The following GALNTL5 variants were observed in gnomAD, a reference collection of about 807,000 sequenced individuals.
The protein encoded by GALNTL5 is inactive polypeptide N-acetylgalactosaminyltransferase-like protein 5.
GALNTL5 carries 44 observed loss-of-function variants against 51.0 expected under a neutral mutation model. The ratio of observed to expected loss-of-function variants is 0.86; its 90% CI spans 0.68 to 1.11. The LOEUF (loss-of-function observed/expected upper bound fraction) is 1.11, where lower values mean the gene tolerates loss of function less well. GALNTL5 is among the 50% of genes least tolerant of loss of function. GALNTL5 has a pLI of 0.00. For synonymous variants in GALNTL5, 192 were observed against 182.8 expected (o/e 1.05, Z -0.41); for missense variants, 528 against 531.8 (o/e 0.99, Z 0.07).
intron 1 of GALNTL5, among the ~76,000 whole-genome samples, chr7:151,957,382 T>TAAA (rs33975032): frequency 7.5e-6 from 1 of 133,358 alleles, no homozygotes; most frequent in Middle Eastern, 3.4e-3. Flanking sequence ...CATCTCTATT[T>TAAA]AAAAAAAAAA....
rs1252235987 is a variant in GALNTL5, at chr7:151,987,619, GT to G, written c.658+339del. Among the ~76,000 whole-genome samples the G allele has an allele frequency of 4.4e-4, 66 of 149,790 alleles. 1 individual carries two copies. The highest frequency in any genetic ancestry group is 2.2e-3 in the South Asian group (10 of 4,584). On this transcript the variant is annotated intron_variant, in intron 5 of 8. Transcript: ENST00000392800. ...AAGAGTGAGGAGAGCAAGACTGGGG[GT>G]GGGGTGGGCGGGAGGGAGCTGCAGC...
chr7:152,007,195 G>A (rs1241081549), intron 6 of GALNTL5, among the ~76,000 whole-genome samples: 1 of 152,060 alleles, frequency 6.6e-6, no homozygotes, highest in Non-Finnish European at 1.5e-5. Flanking sequence ...CTTTAGAAAG[G>A]GAGAGCTCTG....
intron 5 of GALNTL5, among the ~76,000 whole-genome samples, chr7:152,000,919 T>G (rs2081569103): frequency 6.7e-6 from 1 of 149,774 alleles, no homozygotes; most frequent in Non-Finnish European, 1.5e-5. Context: ...TTCTTTTTTT[T>G]TTTTTTGACA....
intron 5 of GALNTL5, among the ~76,000 whole-genome samples, chr7:151,991,021 G>C (rs1426367541): frequency 6.6e-6 from 1 of 152,046 alleles, no homozygotes; most frequent in Admixed American, 6.6e-5. Flanking sequence ...TATGATTTTT[G>C]GGTTTTGTCT....
rs183799433 is a variant in GALNTL5, at chr7:151,978,934, C to G, written c.369-4052C>G. On this transcript the variant is annotated intron_variant, in intron 3 of 8. Transcript: ENST00000392800. ...TCCAAATAGGATCACATTCTGAGGTCCTGGGGACTAGAACTTCACTATATG... is the reference window on the plus strand; with the variant it reads ...TCCAAATAGGATCACATTCTGAGGTGCTGGGGACTAGAACTTCACTATATG... 2.0e-4 allele frequency among the ~76,000 whole-genome samples: 30 copies of G among 152,122 alleles called. No individual in the cohort carries two copies. The East Asian group carries it at 4.8e-3, about 25-fold the overall frequency.
chr7:151,986,286 T>C (rs2081358389), intron 4 of GALNTL5, among the ~76,000 whole-genome samples: 1 of 152,216 alleles, frequency 6.6e-6, no homozygotes, highest in Admixed American at 6.5e-5. Context: ...GGTTTTTCTA[T>C]TAAAATGTTA....
rs2081071025 is a variant in GALNTL5, at chr7:151,967,198, T to G, written c.-39-10T>G. 1.3e-6 allele frequency: 2 copies of G among 1,534,228 alleles called. No individual in the cohort carries two copies. Among genetic ancestry groups the G allele is most frequent in the Non-Finnish European group, 1.8e-6 (2 of 1,121,880 alleles). ...TCTAATGCTGCTCCTCTTAAATCAT[T>G]CTGATTTAGGAAATTGAAAAATGGA... On this transcript the variant is annotated splice_polypyrimidine_tract_variant and intron_variant, in intron 1 of 8. Transcript: ENST00000392800.
intron 1 of GALNTL5, among the ~76,000 whole-genome samples, chr7:151,966,924 A>G (rs549988376): frequency 6.6e-5 from 10 of 152,326 alleles, no homozygotes; most frequent in Non-Finnish European, 1.0e-4. Context: ...GGGATGAGTA[A>G]GCCTTCTTTG....
rs544221047 is a variant in GALNTL5, at chr7:151,991,023, GT to G, written c.658+3746del. Among the ~76,000 whole-genome samples the G allele has an allele frequency of 8.5e-5, 13 of 152,080 alleles. No individual in the cohort carries two copies. The East Asian group carries it at 2.5e-3, about 29-fold the overall frequency. On this transcript the variant is annotated intron_variant, in intron 5 of 8. Coordinates refer to ENST00000392800, the MANE Select transcript of GALNTL5 (RefSeq NM_145292.4). ...AATATTTTTCCTTTATGATTTTTGG[GT>G]TTTGTCTCCTGTTCAAAAAAATTCT...
Position 151,967,351 on chromosome 7 carries a change from G to A in GALNTL5, c.105G>A (p.Trp35Ter), listed in dbSNP as rs555461133. The change falls in exon 2 of 9, where the codon TGG becomes TGA. Residue 35 changes from tryptophan to a stop codon, truncating the protein, a stop_gained. Transcript: ENST00000392800. LOFTEE classifies it high-confidence loss of function. The stretch of plus-strand genomic sequence containing the variant: ...TGCACCATAATCATGTGAGCAGCTG[G>A]CAGAAGAAAAGCCAGGAGCCTCTGT... ...IYLHHNHVSS[W>*]QKKSQEPLSA... 3 of 1,614,124 alleles carry A rather than the reference G, an allele frequency of 1.9e-6. No homozygotes were observed. Among genetic ancestry groups the A allele is most frequent in the South Asian group, 2.2e-5 (2 of 91,082 alleles).
chr7:152,014,848 T>G (rs1317727116), intron 8 of GALNTL5, 55 bp downstream of exon 8: 2 of 1,499,482 alleles, frequency 1.3e-6, no homozygotes, highest in Non-Finnish European at 1.8e-6. Context: ...GCAGGACTTG[T>G]TCTGAGGAAG....
chr7:151,970,832 G>T, intron 2 of GALNTL5, 113 bp from the exon 3 acceptor site: 1 of 860,876 alleles, frequency 1.2e-6, no homozygotes, highest in Non-Finnish European at 1.8e-6. Flanking sequence ...ATCGATTTCC[G>T]AATTCTATTC....
chr7:151,969,922 T>C (rs1264221718), intron 2 of GALNTL5, among the ~76,000 whole-genome samples: 1 of 151,802 alleles, frequency 6.6e-6, no homozygotes, highest in African/African-American at 2.4e-5. Context: ...TTCTCCTGCC[T>C]CAGCCTCCCG....
intron 5 of GALNTL5, among the ~76,000 whole-genome samples, chr7:151,993,260 T>C (rs574150526): frequency 1.3e-5 from 2 of 151,010 alleles, no homozygotes; most frequent in Non-Finnish European, 3.0e-5. Context: ...GGAAGATGCG[T>C]TTATGATTTT....
At position 152,007,888 on chromosome 7, in the gene GALNTL5, C is replaced by G; in HGVS notation, c.970C>G (p.Gln324Glu). The G allele has an allele frequency of 6.2e-7, 1 of 1,612,774 alleles. No homozygotes were observed. Among genetic ancestry groups the G allele is most frequent in the East Asian group, 2.2e-5 (1 of 44,820 alleles). The change falls in exon 7 of 9, where the codon CAG (glutamine) becomes GAG (glutamate). Residue 324 changes from glutamine (Q) to glutamate (E), a missense_variant. Transcript: ENST00000392800. ...IRRHYFNEIG[Q>E]YDKDMDFWGR... ...TCGGCATTATTTTAATGAAATTGGA[C>G]AGTATGACAAGGATATGGATTTTTG...
chr7:151,980,784 C>T lies in GALNTL5; in HGVS notation c.369-2202C>T, dbSNP rs563412354. On this transcript the variant is annotated intron_variant, in intron 3 of 8. Transcript: ENST00000392800. ...TTTTTGAGATGGAGTCTCGCTCTGT[C>T]GCCCAGGCTGGAGTGCAGTGGCGGG... Among the ~76,000 whole-genome samples, 10 of 111,474 alleles carry T rather than the reference C, an allele frequency of 9.0e-5. 1 individual carries two copies. The highest frequency in any genetic ancestry group is 8.1e-4 in the East Asian group (3 of 3,716). 73.1% of individuals were successfully genotyped at this position (111,474 alleles called of 152,430 possible). A position where few individuals can be genotyped will look rare whatever the true frequency, so the allele number is the denominator to read the frequency against.
At chr7:152,006,048 TGA>T (rs201224622) in intron 6 of GALNTL5, among the ~76,000 whole-genome samples, 5,601 of 151,960 alleles carry the variant, frequency 0.037, 141 homozygotes, top group Middle Eastern at 0.079. Flanking sequence ...CATTGACAGT[TGA>T]GAGGAGGAGA....
At chr7:151,987,085 T>C in intron 4 of GALNTL5, 74 bp from the exon 5 acceptor site, 2 of 1,289,798 alleles carry the variant, frequency 1.6e-6, no homozygotes, top group Non-Finnish European at 2.1e-6. Context: ...TAGGAATACG[T>C]CATAATGATG....
chr7:152,008,960 C>G (rs966535841), intron 7 of GALNTL5, among the ~76,000 whole-genome samples: 1 of 152,098 alleles, frequency 6.6e-6, no homozygotes, highest in Admixed American at 6.6e-5. Flanking sequence ...GTTGGAGAGT[C>G]AGTATATTCC....
Sources: gnomAD v4.1 joint callset for allele counts (sites outside exome capture counted in the v4.1 genomes callset) on GRCh38, gnomAD v4.1.1 for gene constraint, MANE v1.5 for transcripts, NCBI Gene and HGNC (gene_info 2026-07-23, HGNC 2026-07-21) for gene names.